The following CRACD variants were observed in gnomAD, a reference collection of about 807,000 sequenced individuals.
The protein encoded by CRACD is capping protein-inhibiting regulator of actin dynamics.
CRACD carries 56 observed loss-of-function variants against 106.8 expected under a neutral mutation model. That is an observed-to-expected ratio of 0.52 (90% CI 0.42 to 0.66). CRACD has a LOEUF of 0.66. Ranked by LOEUF, CRACD falls within the 30% of genes least tolerant of loss-of-function variation. The pLI is 0.00. For missense variants in CRACD, 1,730 were observed against 1,623.2 expected, an observed-to-expected ratio of 1.07 and a Z score of -1.13; for synonymous variants, 754 against 670.8, an observed-to-expected ratio of 1.12 and a Z score of -1.92.
chr4:56,295,692 T>G (rs955159482), intron 3 of CRACD, among the ~76,000 whole-genome samples: 2 of 74,040 alleles, frequency 2.7e-5, no homozygotes, highest in African/African-American at 4.7e-5. Context: ...TATATATATA[T>G]ATATATATAT....
intron 2 of CRACD, among the ~76,000 whole-genome samples, chr4:56,199,684 AAAAAAAAAAGAAAAG>A (rs1423356457): frequency 1.6e-4 from 24 of 147,008 alleles, no homozygotes; most frequent in South Asian, 2.1e-4. Flanking sequence ...TCCGTCTCAA[AAAAAAAAAAGAAAAG>A]AAAAAAAAAG....
chr4:56,267,535 T>C (rs1286656333), intron 2 of CRACD, among the ~76,000 whole-genome samples: 1 of 152,188 alleles, frequency 6.6e-6, no homozygotes, highest in Non-Finnish European at 1.5e-5. Flanking sequence ...TAATAAGACT[T>C]TGGAGCAGAC....
At chr4:56,082,677 A>G (rs770779089) in intron 1 of CRACD, among the ~76,000 whole-genome samples, 39 of 152,284 alleles carry the variant, frequency 2.6e-4, no homozygotes, top group Non-Finnish European at 4.4e-4. Flanking sequence ...GTGAACTTTG[A>G]AGAAAGGATG....
At chr4:56,064,007 CTTG>C (rs1243558546) in intron 1 of CRACD, among the ~76,000 whole-genome samples, 1 of 152,198 alleles carries the variant, frequency 6.6e-6, no homozygotes, top group Non-Finnish European at 1.5e-5. Flanking sequence ...CTCACCAATT[CTTG>C]TTGTTTCCTG....
At chr4:56,317,290 A>G (rs1745740738) in intron 8 of CRACD, among the ~76,000 whole-genome samples, 1 of 152,202 alleles carries the variant, frequency 6.6e-6, no homozygotes, top group African/African-American at 2.4e-5. Context: ...GGTGTTGGGC[A>G]CACCTTCATT....
At chr4:56,206,606 AT>A (rs760881721) in intron 2 of CRACD, among the ~76,000 whole-genome samples, 27 of 152,118 alleles carry the variant, frequency 1.8e-4, no homozygotes, top group Non-Finnish European at 3.7e-4. Context: ...TTTTGGACCT[AT>A]TTGCTTCCTT....
intron 1 of CRACD, among the ~76,000 whole-genome samples, chr4:56,060,765 C>T (rs148652808): frequency 1.1e-3 from 167 of 152,132 alleles, no homozygotes; most frequent in Non-Finnish European, 2.0e-3. Flanking sequence ...TTATAATGGT[C>T]GTGAGGGTGG....
chr4:56,090,846 G>A (rs749403022), intron 1 of CRACD, among the ~76,000 whole-genome samples: 12 of 152,152 alleles, frequency 7.9e-5, no homozygotes, highest in African/African-American at 1.2e-4. Flanking sequence ...TAGGGGATGG[G>A]AGGACGTGAC....
chr4:56,173,887 T>C (rs1410373560), intron 1 of CRACD, among the ~76,000 whole-genome samples: 43 of 152,214 alleles, frequency 2.8e-4, no homozygotes, highest in Admixed American at 2.8e-3. Flanking sequence ...CCAACACTTG[T>C]TATTTTCTGT....
At position 56,315,895 on chromosome 4, in the gene CRACD, T is replaced by G. The variant is rs1189229064; in HGVS notation, c.2393T>G (p.Phe798Cys). The G allele has an allele frequency of 3.7e-6, 6 of 1,614,000 alleles. No homozygotes were observed. The highest frequency in any genetic ancestry group is 5.1e-6 in the Non-Finnish European group (6 of 1,180,020). The change falls in exon 8 of 11, where the codon TTC becomes TGC. Residue 798 changes from phenylalanine (F) to cysteine (C), a missense_variant. This residue lies in a region of CRACD where 1,620 missense variants were observed against 1,481.6 expected (regional missense o/e 1.09). Transcript: ENST00000682029. The surrounding 1 kb of genome is among the most constrained non-coding windows in gnomAD (Gnocchi z 4.1). ...GCKFAKDLPS[F>C]LVPSLPYPPQ... The stretch of plus-strand genomic sequence containing the variant: ...AAATTTGCCAAAGACCTCCCGTCTT[T>G]CCTTGTCCCAAGCCTTCCTTACCCT...
chr4:56,176,554 G>A (rs992093282), intron 1 of CRACD, among the ~76,000 whole-genome samples: 4 of 150,666 alleles, frequency 2.7e-5, no homozygotes, highest in East Asian at 3.9e-4. Flanking sequence ...TCAGCCTCCC[G>A]AGTAGCTGGG....
intron 1 of CRACD, among the ~76,000 whole-genome samples, chr4:56,115,729 G>C (rs1414379052): frequency 6.6e-6 from 1 of 152,154 alleles, no homozygotes; most frequent in Non-Finnish European, 1.5e-5. Context: ...GAAGAGTGAG[G>C]AAGTGAGGAC....
chr4:56,117,197 A>G (rs1224149545), intron 1 of CRACD, among the ~76,000 whole-genome samples: 2 of 151,176 alleles, frequency 1.3e-5, no homozygotes, highest in Non-Finnish European at 3.0e-5. Context: ...ATTTTTTTGT[A>G]TTTTTAGTAG....
chr4:56,208,917 G>A (rs955749387), intron 2 of CRACD, among the ~76,000 whole-genome samples: 1 of 152,144 alleles, frequency 6.6e-6, no homozygotes, highest in South Asian at 2.1e-4. Context: ...TAGAGGAGAC[G>A]CAGTTTTCCA....
At chr4:56,108,537 C>T (rs142206871) in intron 1 of CRACD, among the ~76,000 whole-genome samples, 294 of 152,188 alleles carry the variant, frequency 1.9e-3, no homozygotes, top group African/African-American at 6.7e-3. Context: ...AGACACAAGA[C>T]GAAGAGTTAA....
rs541042480 is a variant in CRACD at position 56,214,523 on chromosome 4, C to T, written c.-189+35093C>T. On this transcript the variant is annotated intron_variant, in intron 2 of 10. Transcript: ENST00000682029. ...AGGAGAATCACGTGAACCCGGGAGG[C>T]GGAGGTTGCAGTCAGCTGAGATTGC... 2.6e-3 allele frequency among the ~76,000 whole-genome samples: 393 copies of T among 150,612 alleles called. 4 individuals carry two copies. Among genetic ancestry groups the T allele is most frequent in the African/African-American group, 9.1e-3 (373 of 40,960 alleles).
intron 2 of CRACD, among the ~76,000 whole-genome samples, chr4:56,256,279 G>T (rs1741354545): frequency 6.6e-6 from 1 of 152,168 alleles, no homozygotes; most frequent in Non-Finnish European, 1.5e-5. Context: ...TTATAAAAGG[G>T]AGTTTCCCTG....
intron 1 of CRACD, among the ~76,000 whole-genome samples, chr4:56,159,377 G>A (rs1328144038): frequency 2.0e-5 from 3 of 152,202 alleles, no homozygotes; most frequent in East Asian, 3.8e-4. Context: ...TCAGCTGGAC[G>A]CGGTGGCTCA....
At chr4:56,067,933 A>C (rs920417528) in intron 1 of CRACD, among the ~76,000 whole-genome samples, 3 of 142,320 alleles carry the variant, frequency 2.1e-5, no homozygotes, top group African/African-American at 8.3e-5. Flanking sequence ...TTCAAAAATA[A>C]ATATTTATTG....
Sources: gnomAD v4.1 joint callset for allele counts (sites outside exome capture counted in the v4.1 genomes callset) on GRCh38, gnomAD v4.1.1 for gene constraint, gnomAD v4.1.1 regional missense constraint, Gnocchi (gnomAD v3.1) non-coding constraint, MANE v1.5 for transcripts, NCBI Gene and HGNC (gene_info 2026-07-23, HGNC 2026-07-21) for gene names.